Variants in ANKRD17 observed in about 807,000 individuals in gnomAD.
ANKRD17 encodes ankyrin repeat domain-containing protein 17.
A neutral mutation model predicts 229.7 loss-of-function variants in ANKRD17; 19 were observed. That is an observed-to-expected ratio of 0.08 (90% CI 0.06 to 0.12). The LOEUF (loss-of-function observed/expected upper bound fraction) is 0.12, where lower values mean the gene tolerates loss of function less well. Among genes scored for constraint, ANKRD17 ranks in the 10% least tolerant of loss-of-function variants. ANKRD17 has a pLI of 1.00. For synonymous variants in ANKRD17, 1,112 were observed against 1,146.1 expected, an observed-to-expected ratio of 0.97 and a Z score of 0.60; for missense variants, 2,176 against 3,176.8, an observed-to-expected ratio of 0.68 and a Z score of 7.57.
chr4:73,141,667 A>G, intron 14 of ANKRD17, 74 bp downstream of exon 14: 2 of 1,388,320 alleles, frequency 1.4e-6, no homozygotes, highest in Non-Finnish European at 2.0e-6. Context: ...TTGTTTGTAG[A>G]AATGTCTATT....
chr4:73,172,656 A>C (rs572532497), intron 2 of ANKRD17, among the ~76,000 whole-genome samples: 3 of 152,344 alleles, frequency 2.0e-5, no homozygotes, highest in African/African-American at 7.2e-5. Flanking sequence ...AAAAGTTAAA[A>C]AGTAGCAGAC....
intron 3 of ANKRD17, among the ~76,000 whole-genome samples, chr4:73,160,664 G>A (rs1219678876): frequency 1.8e-4 from 28 of 151,872 alleles, no homozygotes; most frequent in Admixed American, 1.8e-3. Flanking sequence ...CTATATACAA[G>A]GAATTATAGG....
At position 73,098,437 on chromosome 4, in the gene ANKRD17, C is replaced by A. The variant is rs781644718; in HGVS notation, c.4657G>T (p.Gly1553Cys). The A allele has an allele frequency of 6.2e-7, 1 of 1,614,100 alleles. No individual in the cohort carries two copies. The highest frequency in any genetic ancestry group is 8.5e-7 in the Non-Finnish European group (1 of 1,180,032). ...GISATWTTLA[G>C]SHGKRNNTIT... ...GTATTATTTCTTTTACCATGAGAAC[C>A]TGCCAAAGTTGTCCAGGTTGCAGAT... is the stretch of plus-strand genomic sequence containing the variant. Residue 1553 changes from glycine (G) to cysteine (C), a missense_variant, in exon 26 of 34, where the codon GGT (glycine) becomes TGT (cysteine). Around this residue, in one of 18 missense-constraint regions of ANKRD17, gnomAD observed 105 missense variants for 118.3 expected, o/e 0.89. Coordinates refer to ENST00000358602, the MANE Select transcript of ANKRD17 (RefSeq NM_032217.5).
chr4:73,223,650 TAC>T (rs1256590875), intron 1 of ANKRD17, among the ~76,000 whole-genome samples: 10 of 152,352 alleles, frequency 6.6e-5, no homozygotes, highest in African/African-American at 1.9e-4. Flanking sequence ...TCAACTAATT[TAC>T]AGTTACTGAA....
intron 24 of ANKRD17, 148 bp from the exon 25 acceptor site, chr4:73,102,695 C>T (rs1724154648): frequency 3.6e-6 from 3 of 840,988 alleles, no homozygotes; most frequent in African/African-American, 1.8e-5. Flanking sequence ...AGATCATATT[C>T]AAACCACTCT....
rs750654177 is a variant in ANKRD17, at chr4:73,142,397, A to G, written c.2086-12T>C. Reference sequence around the variant, plus strand: ...ATAGTTGAGCCATCCTAAAAGAGTGAATATGGAAGGGGAAAAAAAGTGAAG... The same window carrying G: ...ATAGTTGAGCCATCCTAAAAGAGTGGATATGGAAGGGGAAAAAAAGTGAAG... On this transcript the variant is annotated splice_polypyrimidine_tract_variant and intron_variant, in intron 12 of 33. Transcript: ENST00000358602. 2 of 1,584,910 alleles carry G rather than the reference A, an allele frequency of 1.3e-6. No individual in the cohort carries two copies. The highest frequency in any genetic ancestry group is 1.7e-6 in the Non-Finnish European group (2 of 1,173,484).
chr4:73,150,668 A>C (rs886301311), intron 7 of ANKRD17, among the ~76,000 whole-genome samples: 7 of 152,194 alleles, frequency 4.6e-5, no homozygotes, highest in Non-Finnish European at 1.0e-4. Flanking sequence ...TCCTTTCAAT[A>C]ATTACTCTCT....
At chr4:73,252,611 T>G (rs929062689) in intron 1 of ANKRD17, among the ~76,000 whole-genome samples, 1 of 152,142 alleles carries the variant, frequency 6.6e-6, no homozygotes, top group African/African-American at 2.4e-5. Flanking sequence ...CAACAAAATC[T>G]TTTGTTTAAT....
chr4:73,212,307 C>T (rs1336314117), intron 1 of ANKRD17, among the ~76,000 whole-genome samples: 1 of 152,154 alleles, frequency 6.6e-6, no homozygotes, highest in Non-Finnish European at 1.5e-5. Flanking sequence ...AAAAAGGAAA[C>T]CCATTAAATG....
Position 73,142,312 on chromosome 4 carries a change from G to A in ANKRD17, c.2159C>T (p.Pro720Leu). 1 of 1,571,548 alleles carries A rather than the reference G, an allele frequency of 6.4e-7. No homozygotes were observed. Among genetic ancestry groups the A allele is most frequent in the Non-Finnish European group, 8.5e-7 (1 of 1,169,984 alleles). ...TSVVCYLLDY[P>L]NNLLSAPPPD... ...TGGAGGGGCTGAAAGCAAGTTATTA[G>A]GATAATCCAAGAGATAGCAAACAAC... The change falls in exon 13 of 34, where the codon CCT becomes CTT. Residue 720 changes from proline to leucine, a missense_variant. Physicochemically the swap from Pro to Leu is moderately conservative, Grantham distance 98. Coordinates refer to ENST00000358602, the MANE Select transcript of ANKRD17 (RefSeq NM_032217.5).
At chr4:73,206,292 T>C (rs1739416952) in intron 1 of ANKRD17, among the ~76,000 whole-genome samples, 1 of 151,876 alleles carries the variant, frequency 6.6e-6, no homozygotes, top group African/African-American at 2.4e-5. Context: ...CTCCCACCCA[T>C]GTTCACGGCA....
chr4:73,115,006 T>TGCAATTCCTGCAAAATTC (rs1219410599), intron 23 of ANKRD17, among the ~76,000 whole-genome samples: 18 of 152,308 alleles, frequency 1.2e-4, no homozygotes, highest in African/African-American at 4.3e-4. Context: ...CTGCAAAATT[T>TGCAATTCCTGCAAAATTC]GCATTTCCTG....
intron 29 of ANKRD17, among the ~76,000 whole-genome samples, chr4:73,087,849 T>C (rs563882584): frequency 3.4e-5 from 5 of 146,984 alleles, no homozygotes; most frequent in East Asian, 4.0e-4. Flanking sequence ...GAAAAGAAAA[T>C]AGAGATAGGA....
intron 1 of ANKRD17, among the ~76,000 whole-genome samples, chr4:73,245,969 C>G (rs1744462010): frequency 6.6e-6 from 1 of 152,100 alleles, no homozygotes; most frequent in Non-Finnish European, 1.5e-5. Context: ...TTTAAGTAAC[C>G]CTACCGGCCC....
intron 1 of ANKRD17, among the ~76,000 whole-genome samples, chr4:73,226,862 G>A (rs1742566987): frequency 6.6e-6 from 1 of 151,496 alleles, no homozygotes; most frequent in Admixed American, 6.6e-5. Flanking sequence ...CTACAGGCAC[G>A]TGCCACAATT....
chr4:73,206,373 T>C (rs978785546), intron 1 of ANKRD17, among the ~76,000 whole-genome samples: 8 of 137,488 alleles, frequency 5.8e-5, no homozygotes, highest in Non-Finnish European at 9.4e-5. Flanking sequence ...ATAAGAAAAA[T>C]GTGGCCTATA....
intron 1 of ANKRD17, among the ~76,000 whole-genome samples, chr4:73,222,114 C>A (rs1270111484): frequency 6.6e-6 from 1 of 152,112 alleles, no homozygotes; most frequent in Non-Finnish European, 1.5e-5. Context: ...GCCTCTTTAT[C>A]TGAATTACCC....
At chr4:73,095,539 T>C (rs1171096680) in intron 27 of ANKRD17, among the ~76,000 whole-genome samples, 1 of 150,878 alleles carries the variant, frequency 6.6e-6, no homozygotes, top group Non-Finnish European at 1.5e-5. Flanking sequence ...GAGGCAGAGG[T>C]TGCAGCAAGC....
intron 3 of ANKRD17, among the ~76,000 whole-genome samples, 169 bp from the exon 4 acceptor site, chr4:73,156,335 C>T (rs767521619): frequency 2.0e-5 from 3 of 152,194 alleles, no homozygotes; most frequent in Non-Finnish European, 4.4e-5. Flanking sequence ...CCTTAAACTC[C>T]TGGCCTCAAG....
Sources: gnomAD v4.1 joint callset for allele counts (sites outside exome capture counted in the v4.1 genomes callset) on GRCh38, gnomAD v4.1.1 for gene constraint, gnomAD v4.1.1 regional missense constraint, MANE v1.5 for transcripts, NCBI Gene and HGNC (gene_info 2026-07-23, HGNC 2026-07-21) for gene names.